TNR: variants seen among roughly 807,000 people sequenced by gnomAD.
The protein encoded by TNR is tenascin-R.
Under a neutral mutation model 150.4 loss-of-function variants are expected in TNR, and 45 were observed. The ratio of observed to expected loss-of-function variants is 0.30; its 90% CI spans 0.24 to 0.38. The LOEUF (loss-of-function observed/expected upper bound fraction) is 0.38, where lower values mean the gene tolerates loss of function less well. Ranked by LOEUF, TNR falls within the 10% of genes least tolerant of loss-of-function variation. The pLI is 1.00. For missense variants in TNR, 1,544 were observed against 1,759.1 expected, an observed-to-expected ratio of 0.88 and a Z score of 2.19; for synonymous variants, 687 against 678.4, an observed-to-expected ratio of 1.01 and a Z score of -0.20.
At chr1:175,466,589 G>A (rs562639569) in intron 2 of TNR, among the ~76,000 whole-genome samples, 2 of 152,202 alleles carry the variant, frequency 1.3e-5, no homozygotes, top group African/African-American at 4.8e-5. Flanking sequence ...TTTTTTCTGG[G>A]CCAGCCAGGG....
chr1:175,593,129 C>T (rs1217482687), intron 1 of TNR, among the ~76,000 whole-genome samples: 1 of 152,152 alleles, frequency 6.6e-6, no homozygotes, highest in Non-Finnish European at 1.5e-5. Flanking sequence ...TATGGAAGGG[C>T]ATTAAGAGTA....
In TNR at chr1:175,370,413, C is replaced by G. The variant is rs1652047427; in HGVS notation, c.1964-3116G>C. ...CTACAAAAACCGCCCCAGGCAAGTA[C>G]AGGCCGGTCCTGGGTGCACCTGTTG... On this transcript the variant is annotated intron_variant, in intron 9 of 22. Coordinates refer to ENST00000367674, the MANE Select transcript of TNR (RefSeq NM_003285.3). 2.2e-5 allele frequency among the ~76,000 whole-genome samples: 3 copies of G among 134,512 alleles called. 1 individual carries two copies. The highest frequency in any genetic ancestry group is 0.01 in the Middle Eastern group (2 of 194). The allele number at this position is 134,512 out of a possible 152,430, so 88.2% of individuals were successfully genotyped here. A position where few individuals can be genotyped will look rare whatever the true frequency, so the allele number is the denominator to read the frequency against.
chr1:175,545,891 T>C (rs1660666342), intron 1 of TNR, among the ~76,000 whole-genome samples: 1 of 152,156 alleles, frequency 6.6e-6, no homozygotes, highest in Non-Finnish European at 1.5e-5. Context: ...GGGAAGAGGA[T>C]ATGCCAGAGA....
chr1:175,662,449 G>A (rs1665407085), intron 1 of TNR, among the ~76,000 whole-genome samples: 1 of 152,116 alleles, frequency 6.6e-6, no homozygotes, highest in African/African-American at 2.4e-5. Flanking sequence ...TTGCCTGTGT[G>A]TAAGTCTTAT....
chr1:175,676,768 T>TATATGGAACTCTTG (rs2101907106), intron 1 of TNR, among the ~76,000 whole-genome samples: 1 of 152,336 alleles, frequency 6.6e-6, no homozygotes, highest in South Asian at 2.1e-4. Context: ...AGCTTTCACA[T>TATATGGAACTCTTG]ATATGGAACT....
intron 2 of TNR, among the ~76,000 whole-genome samples, chr1:175,426,631 G>A (rs933953894): frequency 1.3e-5 from 2 of 151,530 alleles, no homozygotes; most frequent in African/African-American, 4.9e-5. Flanking sequence ...GTTTCATCAT[G>A]GCCAATTTAG....
chr1:175,657,236 G>T (rs1231714686), intron 1 of TNR, among the ~76,000 whole-genome samples: 4 of 152,174 alleles, frequency 2.6e-5, no homozygotes, highest in African/African-American at 9.7e-5. Flanking sequence ...TCTCAAACCA[G>T]TTAGAATGGT....
At chr1:175,722,137 C>T (rs1027224162) in intron 1 of TNR, among the ~76,000 whole-genome samples, 1 of 152,104 alleles carries the variant, frequency 6.6e-6, no homozygotes, top group African/African-American at 2.4e-5. Flanking sequence ...TGGGCGGCAG[C>T]TCCCATTGCC....
rs1394021251 is a variant in TNR at position 175,354,433 on chromosome 1, C to A, written c.3340G>T (p.Asp1114Tyr). Residue 1114 changes from aspartate (D) to tyrosine (Y), a missense_variant, in exon 18 of 23, where the codon GAC (aspartate) becomes TAC (tyrosine). Physicochemically the swap from Asp to Tyr is radical, Grantham distance 160. Transcript: ENST00000367674. ...GAGGTGATGCTGCTCCACGTGGTGTCCTGTGCTGCCTGCAGGAGCACCGTG... is the reference window on the plus strand; with the variant it reads ...GAGGTGATGCTGCTCCACGTGGTGTACTGTGCTGCCTGCAGGAGCACCGTG... ...DYTVLLQAAQ[D>Y]TTWSSITSTA... 6.2e-7 allele frequency: 1 copy of A among 1,614,032 alleles called. No homozygotes were observed. The highest frequency in any genetic ancestry group is 8.5e-7 in the Non-Finnish European group (1 of 1,180,002).
rs1238147787 is a variant in TNR, at chr1:175,451,384, C to T, written c.-63-44607G>A. ...TTCCCTTCCCCCTTCCCCCACCCCA[C>T]AACAGGCCCTGGTGTGTGATGTTCC... On this transcript the variant is annotated intron_variant, in intron 2 of 22. Transcript: ENST00000367674. 7.2e-5 allele frequency among the ~76,000 whole-genome samples: 11 copies of T among 152,136 alleles called. 1 individual carries two copies. Among genetic ancestry groups the T allele is most frequent in the Non-Finnish European group, 7.4e-5 (5 of 68,024 alleles).
Position 175,329,971 on chromosome 1 carries a change from A to T in TNR, c.3793+103T>A. On this transcript the variant is annotated intron_variant, in intron 21 of 22. Transcript: ENST00000367674. ...TCCCTGGCCAGCAGCGAATGCTGGA[A>T]CTCTGTGGGTGCTGCTGCTTCCTGA... The T allele has an allele frequency of 4.8e-6, 6 of 1,258,256 alleles. No individual in the cohort carries two copies. The Admixed American group carries it at 1.3e-4, about 26-fold the overall frequency. The allele number at this position is 1,258,256 out of a possible 1,614,324, so 77.9% of individuals were successfully genotyped here. A position where few individuals can be genotyped will look rare whatever the true frequency, so the allele number is the denominator to read the frequency against.
intron 20 of TNR, chr1:175,333,492 T>C (rs1479585817): frequency 6.6e-6 from 1 of 152,260 alleles, no homozygotes; most frequent in Non-Finnish European, 1.5e-5. Flanking sequence ...TTTATGTCAA[T>C]GTTTTTGTAT....
intron 8 of TNR, among the ~76,000 whole-genome samples, chr1:175,384,591 C>T (rs1652840687): frequency 6.6e-6 from 1 of 152,354 alleles, no homozygotes; most frequent in African/African-American, 2.4e-5. Context: ...CTTCCTAAGG[C>T]TCTTGTCTCT....
chr1:175,510,794 T>G (rs1659138999), intron 2 of TNR, among the ~76,000 whole-genome samples: 1 of 152,220 alleles, frequency 6.6e-6, no homozygotes, highest in African/African-American at 2.4e-5. Flanking sequence ...ATTAATGAGA[T>G]AGCTTTGCCA....
At chr1:175,460,679 G>A (rs192928126) in intron 2 of TNR, among the ~76,000 whole-genome samples, 1 of 152,280 alleles carries the variant, frequency 6.6e-6, no homozygotes, top group East Asian at 1.9e-4. Context: ...AGCAAACTGG[G>A]CTTCTGAAAA....
rs568594491 is a variant in TNR, at chr1:175,669,167, G to T, written c.-165+74059C>A. 8.0e-4 allele frequency among the ~76,000 whole-genome samples: 122 copies of T among 152,358 alleles called. 1 individual carries two copies. Among genetic ancestry groups the T allele is most frequent in the African/African-American group, 2.8e-3 (115 of 41,588 alleles). On this transcript the variant is annotated intron_variant, in intron 1 of 22. Coordinates refer to ENST00000367674, the MANE Select transcript of TNR (RefSeq NM_003285.3). ...AATTCATTATCTCATGCAGGGCTCTGAGTGTTGAAGAGGTAATGATGGTAA... is the reference window on the plus strand; with the variant it reads ...AATTCATTATCTCATGCAGGGCTCTTAGTGTTGAAGAGGTAATGATGGTAA...
chr1:175,324,791 C>A (rs118075394), intron 21 of TNR, among the ~76,000 whole-genome samples: 2 of 152,270 alleles, frequency 1.3e-5, no homozygotes, highest in East Asian at 3.9e-4. Context: ...TTGCCCACCC[C>A]ACCCCCAACC....
At chr1:175,407,311 A>G (rs770198773) in intron 2 of TNR, among the ~76,000 whole-genome samples, 2 of 152,238 alleles carry the variant, frequency 1.3e-5, no homozygotes, top group Non-Finnish European at 2.9e-5. Flanking sequence ...AGTTCCAGGT[A>G]ATTGTGATTG....
At chr1:175,730,910 C>A (rs978626295) in intron 1 of TNR, among the ~76,000 whole-genome samples, 2 of 152,160 alleles carry the variant, frequency 1.3e-5, no homozygotes, top group Admixed American at 6.5e-5. Context: ...AAGCTGCTTC[C>A]TTTGCAGTGG....
Sources: gnomAD v4.1 joint callset for allele counts (sites outside exome capture counted in the v4.1 genomes callset) on GRCh38, gnomAD v4.1.1 for gene constraint, MANE v1.5 for transcripts, NCBI Gene and HGNC (gene_info 2026-07-23, HGNC 2026-07-21) for gene names.